The following TRAPPC8 variants were observed in gnomAD, a reference collection of about 807,000 sequenced individuals.
TRAPPC8 encodes general sporulation gene 1 homolog.
Under a neutral mutation model 174.3 loss-of-function variants are expected in TRAPPC8, and 54 were observed. The observed-to-expected ratio is 0.31, with a 90% CI of 0.25 to 0.39. The LOEUF (loss-of-function observed/expected upper bound fraction) is 0.39, where lower values mean the gene tolerates loss of function less well. Ranked by LOEUF, TRAPPC8 falls within the 10% of genes least tolerant of loss-of-function variation. The pLI is 1.00. For missense variants in TRAPPC8, 1,531 were observed against 1,699.1 expected (o/e 0.90, Z 1.74); for synonymous variants, 630 against 579.9 (o/e 1.09, Z -1.24).
intron 12 of TRAPPC8, 47 bp downstream of exon 12, chr18:31,890,688 T>C: frequency 6.4e-7 from 1 of 1,568,314 alleles, no homozygotes; most frequent in Non-Finnish European, 8.6e-7. Flanking sequence ...ATGACACACA[T>C]TTATAAAATA....
At chr18:31,896,115 T>G (rs990065466) in intron 11 of TRAPPC8, 1 of 152,184 alleles carries the variant, frequency 6.6e-6, no homozygotes, top group Non-Finnish European at 1.5e-5. Flanking sequence ...TTTTACAGCA[T>G]TGTATGAGAG....
intron 15 of TRAPPC8, 26 bp downstream of exon 15, chr18:31,870,900 C>A: frequency 2.0e-6 from 3 of 1,468,352 alleles, no homozygotes; most frequent in Non-Finnish European, 2.7e-6. Flanking sequence ...AAATAAAAAA[C>A]AGAAATAAAA....
chr18:31,923,762 AC>A (rs1360307863), intron 2 of TRAPPC8, among the ~76,000 whole-genome samples: 5 of 151,704 alleles, frequency 3.3e-5, no homozygotes, highest in African/African-American at 1.2e-4. Flanking sequence ...AAAAAAAAAA[AC>A]TGTTTTCTTC....
chr18:31,884,261 T>C (rs1429942692), intron 12 of TRAPPC8, among the ~76,000 whole-genome samples: 4 of 152,202 alleles, frequency 2.6e-5, no homozygotes, highest in Non-Finnish European at 5.9e-5. Context: ...GTTAGAGGCT[T>C]TGTTATTATC....
At chr18:31,931,765 G>C (rs1222633633) in intron 1 of TRAPPC8, among the ~76,000 whole-genome samples, 1 of 152,162 alleles carries the variant, frequency 6.6e-6, no homozygotes, top group Non-Finnish European at 1.5e-5. Flanking sequence ...CTTTCCTACT[G>C]TAGGTCCTCT....
chr18:31,920,945 C>CAAA (rs71177808), intron 2 of TRAPPC8, among the ~76,000 whole-genome samples: 10 of 76,812 alleles, frequency 1.3e-4, no homozygotes, highest in South Asian at 9.0e-4. Context: ...CACTCCGTCT[C>CAAA]AAAAAAAAAA....
chr18:31,845,952 A>G (rs1330792772), intron 26 of TRAPPC8, among the ~76,000 whole-genome samples: 1 of 152,194 alleles, frequency 6.6e-6, no homozygotes, highest in Non-Finnish European at 1.5e-5. Flanking sequence ...AAAATAAGAA[A>G]GCATACTCAA....
chr18:31,881,752 G>A (rs529774078), intron 12 of TRAPPC8, among the ~76,000 whole-genome samples: 2 of 151,898 alleles, frequency 1.3e-5, no homozygotes, highest in African/African-American at 2.4e-5. Context: ...ATCCGACAAA[G>A]GACTAATATC....
At chr18:31,873,070 T>G (rs1484529368) in intron 14 of TRAPPC8, among the ~76,000 whole-genome samples, 1 of 134,082 alleles carries the variant, frequency 7.5e-6, no homozygotes, top group African/African-American at 2.9e-5. Context: ...CAGGCTGGAG[T>G]GCAGTGTCGT....
At chr18:31,888,039 G>A (rs7233234) in intron 12 of TRAPPC8, among the ~76,000 whole-genome samples, 53,922 of 151,706 alleles carry the variant, frequency 0.36, 10,066 homozygotes, top group South Asian at 0.57. Flanking sequence ...AATCACAAGC[G>A]TTCCTACACA....
In TRAPPC8 at chr18:31,888,548, T is replaced by C. The variant is rs537760843; in HGVS notation, c.1728+2187A>G. Among the ~76,000 whole-genome samples, 41 of 152,096 alleles carry C rather than the reference T, an allele frequency of 2.7e-4. 1 individual carries two copies. In the East Asian group the frequency reaches 7.1e-3, roughly 27 times the overall value. Reference sequence around the variant, plus strand: ...TCAATGATAGAATGAATAAAGAAAATGTGGTACATACATACACACAATGGA... The same window carrying C: ...TCAATGATAGAATGAATAAAGAAAACGTGGTACATACATACACACAATGGA... On this transcript the variant is annotated intron_variant, in intron 12 of 28. Coordinates refer to ENST00000283351, the MANE Select transcript of TRAPPC8 (RefSeq NM_014939.5).
chr18:31,870,656 T>C (rs1468792967), intron 15 of TRAPPC8, among the ~76,000 whole-genome samples, 154 bp from the exon 16 acceptor site: 7 of 152,218 alleles, frequency 4.6e-5, no homozygotes, highest in Non-Finnish European at 8.8e-5. Flanking sequence ...CAGGATTCTG[T>C]TGTAATACTA....
rs376047680 is a variant in TRAPPC8 at position 31,900,566 on chromosome 18, A to C, written c.1490+359T>G. Among the ~76,000 whole-genome samples, 41 of 152,326 alleles carry C rather than the reference A, an allele frequency of 2.7e-4. No homozygotes were observed. In the East Asian group the frequency reaches 4.4e-3, roughly 16 times the overall value. On this transcript the variant is annotated intron_variant, in intron 10 of 28. Coordinates refer to ENST00000283351, the MANE Select transcript of TRAPPC8 (RefSeq NM_014939.5). ...TGAGTTCTCACTTTTATAGGGTTCCAACAGAAAGCACTATGAATACAATAT... is the reference window on the plus strand; with the variant it reads ...TGAGTTCTCACTTTTATAGGGTTCCCACAGAAAGCACTATGAATACAATAT...
intron 2 of TRAPPC8, among the ~76,000 whole-genome samples, chr18:31,923,456 T>C (rs2145582955): frequency 6.6e-6 from 1 of 152,322 alleles, no homozygotes; most frequent in South Asian, 2.1e-4. Context: ...AACACGGCAC[T>C]GTTAAGCTTA....
chr18:31,926,412 T>C (rs569423488), intron 2 of TRAPPC8: 1 of 152,234 alleles, frequency 6.6e-6, no homozygotes, highest in South Asian at 2.1e-4. Flanking sequence ...GAAAATACAG[T>C]TGAAGAAGTC....
intron 1 of TRAPPC8, among the ~76,000 whole-genome samples, chr18:31,935,470 C>T (rs1385577708): frequency 1.4e-5 from 2 of 139,902 alleles, no homozygotes; most frequent in Non-Finnish European, 3.0e-5. Flanking sequence ...ACTGCTTGAA[C>T]CTGGGAGGTG....
At chr18:31,933,206 CAGG>C (rs977397185) in intron 1 of TRAPPC8, among the ~76,000 whole-genome samples, 5 of 145,556 alleles carry the variant, frequency 3.4e-5, no homozygotes, top group African/African-American at 1.0e-4. Context: ...GAGGCTGAAG[CAGG>C]AGAATGGTGT....
chr18:31,850,792 G>A (rs975264171), intron 24 of TRAPPC8, among the ~76,000 whole-genome samples: 2 of 152,060 alleles, frequency 1.3e-5, no homozygotes, highest in Admixed American at 6.6e-5. Flanking sequence ...AATGAAAAAT[G>A]TGTTTCTTTC....
intron 2 of TRAPPC8, among the ~76,000 whole-genome samples, chr18:31,930,672 A>C (rs1247884984): frequency 6.6e-6 from 1 of 152,042 alleles, no homozygotes; most frequent in African/African-American, 2.4e-5. Context: ...AGTGGCTCAC[A>C]CCTGTAATCC....
Sources: allele counts gnomAD v4.1 joint callset (sites outside exome capture counted in the v4.1 genomes callset), GRCh38; gene constraint gnomAD v4.1.1; transcripts MANE v1.5; gene names NCBI Gene and HGNC (gene_info 2026-07-23, HGNC 2026-07-21).